CSMD3: variants seen among roughly 807,000 people sequenced by gnomAD.
The protein encoded by CSMD3 is CUB and Sushi multiple domains 3.
CSMD3 carries 177 observed loss-of-function variants against 435.2 expected under a neutral mutation model. The observed-to-expected ratio is 0.41, with a 90% confidence interval of 0.36 to 0.46. The LOEUF is 0.46. CSMD3 is among the 20% of genes least tolerant of loss of function. CSMD3 has a pLI of 0.34. For synonymous variants in CSMD3, 1,656 were observed against 1,520.5 expected, an observed-to-expected ratio of 1.09 and a Z score of -2.07; for missense variants, 4,265 against 4,504.6, an observed-to-expected ratio of 0.95 and a Z score of 1.52.
At chr8:112,436,126 C>G (rs1707165003) in intron 32 of CSMD3, among the ~76,000 whole-genome samples, 1 of 151,410 alleles carries the variant, frequency 6.6e-6, no homozygotes, top group Admixed American at 6.6e-5. Context: ...GGGAGCTGTC[C>G]CCAGAGAAGA....
At chr8:112,259,261 T>TA (rs1215021421) in intron 61 of CSMD3, among the ~76,000 whole-genome samples, 3 of 151,966 alleles carry the variant, frequency 2.0e-5, no homozygotes, top group Non-Finnish European at 2.9e-5. Flanking sequence ...TATGCAGCCA[T>TA]AAAAAAGGAT....
chr8:112,626,119 A>C (rs1445300930), intron 22 of CSMD3, among the ~76,000 whole-genome samples: 1 of 152,154 alleles, frequency 6.6e-6, no homozygotes, highest in Non-Finnish European at 1.5e-5. Context: ...ATATCAAAAA[A>C]AACCAGAAAT....
chr8:112,252,663 T>A (rs1815376782), intron 63 of CSMD3, among the ~76,000 whole-genome samples: 1 of 132,388 alleles, frequency 7.6e-6, no homozygotes. Flanking sequence ...AGTTAACAGA[T>A]TTAGTATGTG....
At chr8:112,388,481 C>G (rs578170693) in intron 36 of CSMD3, among the ~76,000 whole-genome samples, 1 of 151,770 alleles carries the variant, frequency 6.6e-6, no homozygotes, top group Non-Finnish European at 1.5e-5. Flanking sequence ...TTCATTGTAC[C>G]GAGTAAGAGT....
chr8:112,297,760 T>C (rs867481801), intron 53 of CSMD3, among the ~76,000 whole-genome samples: 8 of 152,022 alleles, frequency 5.3e-5, no homozygotes, highest in South Asian at 4.1e-4. Flanking sequence ...TTGTAGAATA[T>C]TAGGTAAATA....
intron 45 of CSMD3, among the ~76,000 whole-genome samples, chr8:112,321,930 T>G (rs1823030580): frequency 6.6e-6 from 1 of 152,114 alleles, no homozygotes; most frequent in African/African-American, 2.4e-5. Flanking sequence ...TTTCCTGAAC[T>G]TATACTTTAA....
intron 6 of CSMD3, among the ~76,000 whole-genome samples, chr8:112,992,802 C>T (rs900583405): frequency 1.3e-5 from 2 of 150,690 alleles, no homozygotes. Flanking sequence ...TGTGTGTGTG[C>T]TTGTGTATGT....
At chr8:112,832,202 G>A (rs1209329383) in intron 11 of CSMD3, among the ~76,000 whole-genome samples, 1 of 152,158 alleles carries the variant, frequency 6.6e-6, no homozygotes, top group Non-Finnish European at 1.5e-5. Flanking sequence ...AAGTAGGAAT[G>A]TGTGGGAGGC....
intron 1 of CSMD3, among the ~76,000 whole-genome samples, chr8:113,363,284 ACG>A (rs767604345): frequency 0.64 from 97,056 of 152,150 alleles, 32,528 homozygotes; most frequent in Admixed American, 0.75. Context: ...AATTGCTTAC[ACG>A]CGTGTTTGTA....
intron 16 of CSMD3, among the ~76,000 whole-genome samples, chr8:112,677,338 G>T (rs1464650309): frequency 6.6e-6 from 1 of 151,238 alleles, no homozygotes; most frequent in Non-Finnish European, 1.5e-5. Flanking sequence ...AATGGTGGGT[G>T]AGAAGGGGGA....
At chr8:113,242,908 T>C (rs1455742672) in intron 3 of CSMD3, among the ~76,000 whole-genome samples, 1 of 151,922 alleles carries the variant, frequency 6.6e-6, no homozygotes, top group Admixed American at 6.6e-5. Context: ...AAAATGAATG[T>C]AAAGGTTTCT....
chr8:113,078,535 A>G (rs1445854626), intron 5 of CSMD3, among the ~76,000 whole-genome samples: 4 of 152,202 alleles, frequency 2.6e-5, no homozygotes, highest in Non-Finnish European at 5.9e-5. Context: ...ATACATGAAC[A>G]TAAAATTTCA....
intron 5 of CSMD3, among the ~76,000 whole-genome samples, chr8:113,096,744 C>T (rs1222096113): frequency 6.6e-6 from 1 of 151,990 alleles, no homozygotes; most frequent in Non-Finnish European, 1.5e-5. Flanking sequence ...TTAGGTGTTT[C>T]TACAACACAA....
At chr8:113,003,416 T>C (rs186231654) in intron 6 of CSMD3, among the ~76,000 whole-genome samples, 1 of 152,222 alleles carries the variant, frequency 6.6e-6, no homozygotes, top group East Asian at 1.9e-4. Flanking sequence ...TAGCAAATAC[T>C]TTCCATGTTA....
At chr8:113,290,976 A>G (rs1391739113) in intron 2 of CSMD3, among the ~76,000 whole-genome samples, 1 of 151,420 alleles carries the variant, frequency 6.6e-6, no homozygotes, top group Non-Finnish European at 1.5e-5. Flanking sequence ...ATAAAATGAT[A>G]AAATTTTCTA....
intron 6 of CSMD3, among the ~76,000 whole-genome samples, chr8:112,998,772 T>A (rs911398903): frequency 6.6e-6 from 1 of 151,904 alleles, no homozygotes; most frequent in Non-Finnish European, 1.5e-5. Context: ...TGGAGGCAGA[T>A]TTCACCCTTT....
intron 5 of CSMD3, among the ~76,000 whole-genome samples, chr8:113,040,657 A>G (rs1456182381): frequency 6.6e-6 from 1 of 152,170 alleles, no homozygotes; most frequent in Non-Finnish European, 1.5e-5. Flanking sequence ...GGTGGAGAGC[A>G]CCATCAGATG....
intron 4 of CSMD3, among the ~76,000 whole-genome samples, chr8:113,103,308 T>C (rs1007722007): frequency 6.6e-6 from 1 of 152,186 alleles, no homozygotes; most frequent in Non-Finnish European, 1.5e-5. Flanking sequence ...CAATGGTGGA[T>C]TCTCTACTCT....
chr8:112,366,489 C>A (rs140892349), intron 38 of CSMD3, among the ~76,000 whole-genome samples: 4,974 of 152,046 alleles, frequency 0.033, 274 homozygotes, highest in African/African-American at 0.11. Context: ...CCTCTGCCTC[C>A]CGGGTTCAAG....
Sources: gnomAD v4.1 joint callset for allele counts (sites outside exome capture counted in the v4.1 genomes callset) on GRCh38, gnomAD v4.1.1 for gene constraint, MANE v1.5 for transcripts, NCBI Gene and HGNC (gene_info 2026-07-23, HGNC 2026-07-21) for gene names.